ABHD12: variants seen among roughly 807,000 people sequenced by gnomAD.
ABHD12 encodes abhydrolase domain containing 12, lysophospholipase, also known as lysophosphatidylserine lipase ABHD12.
A neutral mutation model predicts 58.3 loss-of-function variants in ABHD12; 43 were observed. The ratio of observed to expected loss-of-function variants is 0.74; its 90% CI spans 0.58 to 0.95. The LOEUF is 0.95. Among genes scored for constraint, ABHD12 ranks in the 40% least tolerant of loss-of-function variants. ABHD12 has a pLI of 0.00. For synonymous variants in ABHD12, 219 were observed against 211.2 expected (o/e 1.04, Z -0.32); for missense variants, 539 against 537.2 (o/e 1.00, Z -0.03).
intron 1 of ABHD12, among the ~76,000 whole-genome samples, chr20:25,367,389 T>G (rs1347675555): frequency 6.6e-6 from 1 of 152,106 alleles, no homozygotes; most frequent in Non-Finnish European, 1.5e-5. Flanking sequence ...TTTAAGAAAT[T>G]TTACACATTT....
chr20:25,340,044 C>G (rs182057368), intron 1 of ABHD12, among the ~76,000 whole-genome samples: 3 of 152,156 alleles, frequency 2.0e-5, no homozygotes, highest in Non-Finnish European at 4.4e-5. Context: ...ATCTCTAACC[C>G]GGTGATTCTC....
At chr20:25,355,126 T>C (rs1435004073) in intron 1 of ABHD12, among the ~76,000 whole-genome samples, 2 of 152,094 alleles carry the variant, frequency 1.3e-5, no homozygotes, top group Admixed American at 6.5e-5. Flanking sequence ...TAAGCTACAG[T>C]GGGGTGTTCT....
At chr20:25,389,714 C>T (rs1238725434) in intron 1 of ABHD12, among the ~76,000 whole-genome samples, 1 of 152,220 alleles carries the variant, frequency 6.6e-6, no homozygotes, top group Non-Finnish European at 1.5e-5. Context: ...AATAACCAAA[C>T]GACTCAGGAC....
At chr20:25,388,184 A>G (rs1283380473) in intron 1 of ABHD12, among the ~76,000 whole-genome samples, 1 of 151,810 alleles carries the variant, frequency 6.6e-6, no homozygotes, top group Non-Finnish European at 1.5e-5. Context: ...CTCTACTTCC[A>G]CGTATGTCGA....
Position 25,309,588 on chromosome 20 carries a change from A to C in ABHD12, c.620-13T>G. The C allele has an allele frequency of 6.2e-7, 1 of 1,613,900 alleles. No homozygotes were observed. Among genetic ancestry groups the C allele is most frequent in the Non-Finnish European group, 8.5e-7 (1 of 1,179,856 alleles). Reference sequence around the variant, plus strand: ...GAGTCACCCCAACCTGGGAGGGAGAAACGGCAGGACGGGGAGGTCAAAGGC... The same window carrying C: ...GAGTCACCCCAACCTGGGAGGGAGACACGGCAGGACGGGGAGGTCAAAGGC... On this transcript the variant is annotated splice_polypyrimidine_tract_variant and intron_variant, in intron 6 of 12. Coordinates refer to ENST00000339157, the MANE Select transcript of ABHD12 (RefSeq NM_001042472.3).
At chr20:25,339,767 G>A (rs1600823932) in intron 1 of ABHD12, 1 of 1,284,682 alleles carries the variant, frequency 7.8e-7, no homozygotes, top group East Asian at 5.4e-5. Flanking sequence ...GGCAGGCGTA[G>A]GTTACTTATT....
intron 7 of ABHD12, 43 bp from the exon 8 acceptor site, chr20:25,308,537 T>A: frequency 2.5e-6 from 4 of 1,582,322 alleles, no homozygotes; most frequent in Non-Finnish European, 3.4e-6. Context: ...ATGATAAAAT[T>A]GTTTGAGATG....
In ABHD12 at chr20:25,317,034, C is replaced by A. The variant is rs1281655841; in HGVS notation, c.573+14G>T. Reference sequence around the variant, plus strand: ...ACAGCCCAGGGAACAGGTGTGGGTGCTGCCTGCACTCACCTTGTAAAGCTC... The same window carrying A: ...ACAGCCCAGGGAACAGGTGTGGGTGATGCCTGCACTCACCTTGTAAAGCTC... On this transcript the variant is annotated intron_variant, in intron 5 of 12. Coordinates refer to ENST00000339157, the MANE Select transcript of ABHD12 (RefSeq NM_001042472.3). The A allele has an allele frequency of 6.2e-7, 1 of 1,612,190 alleles. No homozygotes were observed. Among genetic ancestry groups the A allele is most frequent in the East Asian group, 2.2e-5 (1 of 44,866 alleles).
At chr20:25,385,720 G>A (rs1464376861) in intron 1 of ABHD12, among the ~76,000 whole-genome samples, 2 of 151,490 alleles carry the variant, frequency 1.3e-5, no homozygotes, top group Non-Finnish European at 2.9e-5. Context: ...TAAATAGAAA[G>A]GCACCAGGCT....
intron 6 of ABHD12, among the ~76,000 whole-genome samples, chr20:25,313,869 T>A (rs2088911086): frequency 6.6e-6 from 1 of 152,220 alleles, no homozygotes; most frequent in Non-Finnish European, 1.5e-5. Context: ...ACAGTGTCCT[T>A]GGTATATATC....
At chr20:25,309,311 G>C in intron 7 of ABHD12, 135 bp downstream of exon 7, 2 of 1,308,048 alleles carry the variant, frequency 1.5e-6, no homozygotes, top group Non-Finnish European at 1.1e-6. Flanking sequence ...CTCTGCCATG[G>C]GGATGGGAGC....
At position 25,314,925 on chromosome 20, in the gene ABHD12, C is replaced by T. The variant is rs1411654806; in HGVS notation, c.619G>A (p.Gly207Ser). The T allele has an allele frequency of 3.1e-6, 5 of 1,614,196 alleles. No individual in the cohort carries two copies. The Admixed American group carries it at 6.7e-5, about 22-fold the overall frequency. Residue 207 changes from glycine to serine, a missense_variant and splice_region_variant, in exon 6 of 13, where the codon GGT (glycine) becomes AGT (serine). Physicochemically the swap from Gly to Ser is moderately conservative, Grantham distance 56 (BLOSUM62 0). Coordinates refer to ENST00000339157, the MANE Select transcript of ABHD12 (RefSeq NM_001042472.3). ...GYHVVTFDYR[G>S]WGDSVGTPSE... ...GATGCTCTTGCAAAAGAAATCTCAC[C>T]TCTGTAGTCAAAGGTGACCACATGG...
At chr20:25,375,654 T>C (rs1478275597) in intron 1 of ABHD12, among the ~76,000 whole-genome samples, 1 of 151,730 alleles carries the variant, frequency 6.6e-6, no homozygotes, top group Admixed American at 6.6e-5. Context: ...ACTGTAGGGC[T>C]CACTTCCTTT....
rs988004810 is a variant in ABHD12 at position 25,303,648 on chromosome 20, C to T, written c.951-20G>A. 1.9e-6 allele frequency: 3 copies of T among 1,613,000 alleles called. No individual in the cohort carries two copies. In the African/African-American group the frequency reaches 4.0e-5, roughly 22 times the overall value. ...TTCACGCTGTAGGAGGGAGAAGGGG[C>T]TAGACCAAGACCAGGGAAAGGGCAG... On this transcript the variant is annotated intron_variant, in intron 10 of 12. Coordinates refer to ENST00000339157, the MANE Select transcript of ABHD12 (RefSeq NM_001042472.3).
intron 1 of ABHD12, among the ~76,000 whole-genome samples, chr20:25,383,228 G>A (rs2090043660): frequency 6.6e-6 from 1 of 152,172 alleles, no homozygotes. Context: ...TGGGTTAGGG[G>A]GAAGCCATTA....
At chr20:25,387,108 A>C (rs2090101480) in intron 1 of ABHD12, among the ~76,000 whole-genome samples, 1 of 152,184 alleles carries the variant, frequency 6.6e-6, no homozygotes, top group Non-Finnish European at 1.5e-5. Flanking sequence ...GGGAGCAGGA[A>C]CAAAAACAAA....
intron 1 of ABHD12, among the ~76,000 whole-genome samples, chr20:25,361,802 A>C (rs951146582): frequency 1.3e-5 from 2 of 152,046 alleles, no homozygotes; most frequent in African/African-American, 4.8e-5. Context: ...AAAAATACAA[A>C]AAAATAGCTG....
chr20:25,367,121 C>A (rs1478497259), intron 1 of ABHD12, among the ~76,000 whole-genome samples: 1 of 152,220 alleles, frequency 6.6e-6, no homozygotes, highest in Non-Finnish European at 1.5e-5. Flanking sequence ...AATTTGTCTT[C>A]TCTTCCTTTA....
chr20:25,330,316 C>T lies in ABHD12; in HGVS notation c.317-6886G>A, dbSNP rs1026437566. Among the ~76,000 whole-genome samples the T allele has an allele frequency of 2.6e-5, 4 of 152,372 alleles. No individual in the cohort carries two copies. In the East Asian group the frequency reaches 7.7e-4, roughly 29 times the overall value. On this transcript the variant is annotated intron_variant, in intron 2 of 12. Coordinates refer to ENST00000339157, the MANE Select transcript of ABHD12 (RefSeq NM_001042472.3). ...CGCACATGGCTCGGAGGGTCCTACG[C>T]CCACGGAGTCTCGCTGATTGCTAGC... is the stretch of plus-strand genomic sequence containing the variant.
Sources: allele counts gnomAD v4.1 joint callset (sites outside exome capture counted in the v4.1 genomes callset), GRCh38; gene constraint gnomAD v4.1.1; transcripts MANE v1.5; gene names NCBI Gene and HGNC (gene_info 2026-07-23, HGNC 2026-07-21).